STAT5B: variants seen among roughly 807,000 people sequenced by gnomAD.
STAT5B encodes the protein signal transducer and activator of transcription 5B, also known as transcription factor STAT5B.
STAT5B carries 21 observed loss-of-function variants against 107.8 expected under a neutral mutation model. That is an observed-to-expected ratio of 0.19 (90% CI 0.14 to 0.28). The LOEUF is 0.28. STAT5B is among the 10% of genes least tolerant of loss of function. The pLI is 1.00. For missense variants in STAT5B, 565 were observed against 1,008.2 expected (o/e 0.56, Z 5.95); for synonymous variants, 325 against 401.7 (o/e 0.81, Z 2.28).
intron 2 of STAT5B, among the ~76,000 whole-genome samples, chr17:42,231,192 C>T (rs2080314539): frequency 6.6e-6 from 1 of 152,048 alleles, no homozygotes; most frequent in African/African-American, 2.4e-5. Flanking sequence ...TATTTTTTGA[C>T]ATAGGATCTT....
intron 5 of STAT5B, among the ~76,000 whole-genome samples, chr17:42,221,999 GTGTGTGTGC>G (rs58540290): frequency 0.012 from 1,668 of 144,214 alleles, 26 homozygotes; most frequent in African/African-American, 0.041. Context: ...GTGGTGTGGT[GTGTGTGTGC>G]TGTGTGTGGT....
intron 1 of STAT5B, among the ~76,000 whole-genome samples, chr17:42,265,374 C>CTTTTTTTTTTTTTTTTT (rs1275073687): frequency 5.0e-5 from 5 of 99,230 alleles, no homozygotes; most frequent in African/African-American, 2.5e-4. Flanking sequence ...GGTATGTACT[C>CTTTTTTTTTTTTTTTTT]TTCTTTTTTT....
chr17:42,262,970 GTATATATATATATA>G lies in STAT5B; in HGVS notation c.-11+13264_-11+13277del, dbSNP rs869160306. Among the ~76,000 whole-genome samples the G allele has an allele frequency of 3.0e-3, 62 of 20,938 alleles. 1 individual carries two copies. The highest frequency in any genetic ancestry group is 4.5e-3 in the East Asian group (3 of 666). The allele number at this position is 20,938 out of a possible 152,430, so 13.7% of individuals were successfully genotyped here. A position where few individuals can be genotyped will look rare whatever the true frequency, so the allele number is the denominator to read the frequency against. ...TGTGTGTGTGTGTGTGTGTGTGTGT[GTATATATATATATA>G]TATATATATATATATATATATATAT... On this transcript the variant is annotated intron_variant, in intron 1 of 18. Transcript: ENST00000293328.
chr17:42,221,150 G>A (rs1456593681), intron 5 of STAT5B, among the ~76,000 whole-genome samples: 1 of 152,184 alleles, frequency 6.6e-6, no homozygotes, highest in Non-Finnish European at 1.5e-5. Context: ...ACAGCCCAGA[G>A]CTAGAACTCA....
At chr17:42,252,881 G>A (rs2080511316) in intron 1 of STAT5B, among the ~76,000 whole-genome samples, 1 of 152,212 alleles carries the variant, frequency 6.6e-6, no homozygotes. Context: ...TCTTCTCTAA[G>A]CAAACTAACC....
chr17:42,219,707 C>T lies in STAT5B; in HGVS notation c.681+5G>A. 1 of 1,603,346 alleles carries T rather than the reference C, an allele frequency of 6.2e-7. No homozygotes were observed. The highest frequency in any genetic ancestry group is 1.1e-5 in the South Asian group (1 of 90,214). On this transcript the variant is annotated splice_donor_5th_base_variant and intron_variant, in intron 6 of 18. Coordinates refer to ENST00000293328, the MANE Select transcript of STAT5B (RefSeq NM_012448.4). Reference sequence around the variant, plus strand: ...CGCCCAGGAGAGGCCCAGGACCCCACTCACCACGCGGTACTGCTGCAGTGT... The same window carrying T: ...CGCCCAGGAGAGGCCCAGGACCCCATTCACCACGCGGTACTGCTGCAGTGT...
chr17:42,238,155 A>G (rs1396947545), intron 1 of STAT5B, among the ~76,000 whole-genome samples: 1 of 149,216 alleles, frequency 6.7e-6, no homozygotes, highest in Non-Finnish European at 1.5e-5. Context: ...TCCATCCGAG[A>G]CAGGGTCTTA....
At position 42,219,731 on chromosome 17, in the gene STAT5B, G is replaced by A. The variant is rs764799602; in HGVS notation, c.662C>T (p.Thr221Ile). ...ACTCACCACGCGGTACTGCTGCAGT[G>A]TCTGTGCCTCACGCTGCAACCAGGC... is the stretch of plus-strand genomic sequence containing the variant. ...LEAWLQREAQ[T>I]LQQYRVELAE... The change falls in exon 6 of 19, where the codon ACA (threonine) becomes ATA (isoleucine). Residue 221 changes from threonine to isoleucine, a missense_variant. Coordinates refer to ENST00000293328, the MANE Select transcript of STAT5B (RefSeq NM_012448.4). 3.7e-6 allele frequency: 6 copies of A among 1,607,760 alleles called. No individual in the cohort carries two copies. Among genetic ancestry groups the A allele is most frequent in the Admixed American group, 1.7e-5 (1 of 58,972 alleles).
intron 9 of STAT5B, chr17:42,217,865 C>T (rs182611473): frequency 2.6e-5 from 12 of 461,156 alleles, no homozygotes; most frequent in Admixed American, 1.4e-4. Context: ...CCACCACGCC[C>T]GGCTAATTTT....
At position 42,270,164 on chromosome 17, in the gene STAT5B, G is replaced by A. The variant is rs561114205; in HGVS notation, c.-11+6084C>T. Among the ~76,000 whole-genome samples, 308 of 152,238 alleles carry A rather than the reference G, an allele frequency of 2.0e-3. 1 individual carries two copies. The highest frequency in any genetic ancestry group is 2.9e-3 in the Non-Finnish European group (196 of 67,998). On this transcript the variant is annotated intron_variant, in intron 1 of 18. Transcript: ENST00000293328. ...ACGGAGGTTGCAGTGAGCCAAGATCGCGCCACTGCATTCCAGCCTGGGTGA... is the reference window on the plus strand; with the variant it reads ...ACGGAGGTTGCAGTGAGCCAAGATCACGCCACTGCATTCCAGCCTGGGTGA...
chr17:42,216,867 T>TG (rs1457723505), intron 11 of STAT5B, among the ~76,000 whole-genome samples: 2 of 151,394 alleles, frequency 1.3e-5, no homozygotes, highest in Non-Finnish European at 2.9e-5. Flanking sequence ...TTAGTAGAGA[T>TG]GGGGTTTCAC....
At chr17:42,229,877 G>A (rs1402386938) in intron 2 of STAT5B, among the ~76,000 whole-genome samples, 4 of 150,780 alleles carry the variant, frequency 2.7e-5, no homozygotes, top group Admixed American at 2.0e-4. Flanking sequence ...AAAAAAAAAA[G>A]AATTGAAAAT....
At chr17:42,254,670 C>G (rs770782693) in intron 1 of STAT5B, among the ~76,000 whole-genome samples, 5 of 149,520 alleles carry the variant, frequency 3.3e-5, no homozygotes, top group Middle Eastern at 6.8e-3. Flanking sequence ...AGCAACTACT[C>G]AGAAAAATGA....
intron 1 of STAT5B, among the ~76,000 whole-genome samples, chr17:42,247,389 A>C (rs1197500641): frequency 6.6e-6 from 1 of 152,248 alleles, no homozygotes; most frequent in Non-Finnish European, 1.5e-5. Context: ...TTACTTAGAC[A>C]TAACTTGAAT....
chr17:42,270,165 C>T (rs1457475757), intron 1 of STAT5B, among the ~76,000 whole-genome samples: 1 of 152,076 alleles, frequency 6.6e-6, no homozygotes, highest in African/African-American at 2.4e-5. Context: ...GCCAAGATCG[C>T]GCCACTGCAT....
chr17:42,265,338 A>T (rs995070025), intron 1 of STAT5B, among the ~76,000 whole-genome samples: 27 of 150,510 alleles, frequency 1.8e-4, no homozygotes, highest in African/African-American at 6.6e-4. Context: ...AATGAAATTC[A>T]TCTAAATGAA....
intron 1 of STAT5B, among the ~76,000 whole-genome samples, chr17:42,235,860 G>A (rs2080352623): frequency 6.6e-6 from 1 of 152,156 alleles, no homozygotes; most frequent in Non-Finnish European, 1.5e-5. Flanking sequence ...TACTTGCGGA[G>A]CGAATAAATA....
intron 1 of STAT5B, among the ~76,000 whole-genome samples, chr17:42,233,553 C>T (rs1007901203): frequency 6.6e-6 from 1 of 151,172 alleles, no homozygotes; most frequent in Admixed American, 6.6e-5. Context: ...TGCCGTGACG[C>T]GATCTCAGCT....
chr17:42,221,951 T>TGTGTGTGTGTGCTATGTGTG (rs2080230077), intron 5 of STAT5B, among the ~76,000 whole-genome samples: 1 of 144,300 alleles, frequency 6.9e-6, no homozygotes, highest in African/African-American at 2.6e-5. Flanking sequence ...GTATGTGTGG[T>TGTGTGTGTGTGCTATGTGTG]GTGTGTGTGT....
Sources: allele counts gnomAD v4.1 joint callset (sites outside exome capture counted in the v4.1 genomes callset), GRCh38; gene constraint gnomAD v4.1.1; transcripts MANE v1.5; gene names NCBI Gene and HGNC (gene_info 2026-07-23, HGNC 2026-07-21).